BET1L: variants seen among roughly 807,000 people sequenced by gnomAD.
BET1L encodes BET1-like protein.
BET1L carries 13 observed loss-of-function variants against 12.6 expected under a neutral mutation model. The ratio of observed to expected loss-of-function variants is 1.03; its 90% confidence interval spans 0.67 to 1.64. The LOEUF (loss-of-function observed/expected upper bound fraction) is 1.64, where lower values mean the gene tolerates loss of function less well. BET1L is among the 40% of genes most tolerant of loss of function. The pLI is 0.00. For missense variants in BET1L, 154 were observed against 150.7 expected, an observed-to-expected ratio of 1.02 and a Z score of -0.11; for synonymous variants, 60 against 56.9, an observed-to-expected ratio of 1.05 and a Z score of -0.25.
Position 204,460 on chromosome 11 carries a change from G to A in BET1L, c.*842C>T, listed in dbSNP as rs1331244457. On this transcript the variant is annotated 3_prime_UTR_variant, in exon 4 of 4. Transcript: ENST00000382762. ...ATAGCCCTCACAGGAACCTTCTTGT[G>A]TAGACCCACAGAAGCTCCCTGGCCC... 6.6e-6 allele frequency: 1 copy of A among 152,244 alleles called. No individual in the cohort carries two copies. Among genetic ancestry groups the A allele is most frequent in the Admixed American group, 6.5e-5 (1 of 15,292 alleles). The allele number at this position is 152,244 out of a possible 1,614,324, so 9.4% of individuals were successfully genotyped here.
At chr11:205,922 G>A (rs750019170) in intron 2 of BET1L, 30 bp downstream of exon 2, 1 of 1,606,422 alleles carries the variant, frequency 6.2e-7, no homozygotes, top group East Asian at 2.2e-5. Context: ...AAGGCACCAG[G>A]TGGAGGTAAG....
Position 205,004 on chromosome 11 carries a change from C to G in BET1L, c.*298G>C, listed in dbSNP as rs931679031. 12 of 400,244 alleles carry G rather than the reference C, an allele frequency of 3.0e-5. No individual in the cohort carries two copies. The highest frequency in any genetic ancestry group is 5.6e-5 in the Non-Finnish European group (12 of 212,552). The allele number at this position is 400,244 out of a possible 1,614,324, so 24.8% of individuals were successfully genotyped here. On this transcript the variant is annotated 3_prime_UTR_variant, in exon 4 of 4. Coordinates refer to ENST00000382762, the MANE Select transcript of BET1L (RefSeq NM_001098787.2). ...GGATTCACCAGCTGCTCTGCTCAGA[C>G]CTGGCTTCTCCAGACACGCTGTGGC...
In BET1L at chr11:207,375, A is replaced by AGACGTGGCCACAGCCGCCTCC; in HGVS notation, c.-55_-54insGGAGGCGGCTGTGGCCACGTC. On this transcript the variant is annotated 5_prime_UTR_variant, in exon 1 of 4. Coordinates refer to ENST00000382762, the MANE Select transcript of BET1L (RefSeq NM_001098787.2). ...ACACCGACGCGGCCACAGCCGCCTC[A>AGACGTGGCCACAGCCGCCTCC]GACGTGGCGCAGTCGCGGGGAAAGA... is the stretch of plus-strand genomic sequence containing the variant. The AGACGTGGCCACAGCCGCCTCC allele has an allele frequency of 6.6e-7, 1 of 1,514,584 alleles. No homozygotes were observed. The highest frequency in any genetic ancestry group is 8.8e-7 in the Non-Finnish European group (1 of 1,137,554). 93.8% of individuals were successfully genotyped at this position (1,514,584 alleles called of 1,614,324 possible). A position where few individuals can be genotyped will look rare whatever the true frequency, so the allele number is the denominator to read the frequency against.
intron 1 of BET1L, chr11:207,062 C>T: frequency 1.9e-6 from 1 of 528,306 alleles, no homozygotes; most frequent in Non-Finnish European, 3.3e-6. Context: ...GGAGACCCCG[C>T]TGCTGCGCGA....
intron 1 of BET1L, 84 bp downstream of exon 1, chr11:207,219 G>C: frequency 1.3e-6 from 2 of 1,485,332 alleles, no homozygotes; most frequent in South Asian, 1.3e-5. Flanking sequence ...AGCTGGGCCA[G>C]AGGCAGGCGC....
At chr11:205,733 CCA>C (rs1855134020) in intron 2 of BET1L, 66 bp from the exon 3 acceptor site, 3 of 1,558,964 alleles carry the variant, frequency 1.9e-6, no homozygotes, top group Non-Finnish European at 2.6e-6. Flanking sequence ...CTCACCCTCC[CCA>C]GACCAGATAA....
At position 205,051 on chromosome 11, in the gene BET1L, A is replaced by C. The variant is rs1855116415; in HGVS notation, c.*251T>G. On this transcript the variant is annotated 3_prime_UTR_variant, in exon 4 of 4. Transcript: ENST00000382762. ...TGGCCCCAGCTCTGCCTGGCTCTCT[A>C]GCACCTGGGGGAGGGGGGAGGGGCT... 4 of 428,290 alleles carry C rather than the reference A, an allele frequency of 9.3e-6. No homozygotes were observed. Among genetic ancestry groups the C allele is most frequent in the Non-Finnish European group, 1.3e-5 (3 of 238,008 alleles). The allele number at this position is 428,290 out of a possible 1,614,324, so 26.5% of individuals were successfully genotyped here.
intron 2 of BET1L, 142 bp downstream of exon 2, chr11:205,810 T>C: frequency 1.4e-6 from 2 of 1,443,494 alleles, no homozygotes; most frequent in African/African-American, 2.8e-5. Context: ...AGGTGTCAGC[T>C]GGGGCCTCAT....
chr11:206,197 G>A (rs1177301275), intron 1 of BET1L, among the ~76,000 whole-genome samples, 154 bp from the exon 2 acceptor site: 3 of 152,192 alleles, frequency 2.0e-5, no homozygotes, highest in Non-Finnish European at 4.4e-5. Context: ...GCTGCATAAA[G>A]GACGATGTGT....
At position 203,705 on chromosome 11, in the gene BET1L, G is replaced by A. The variant is rs1855087286; in HGVS notation, c.*1597C>T. On this transcript the variant is annotated 3_prime_UTR_variant, in exon 4 of 4. Transcript: ENST00000382762. ...CCTGCAAAGGGACATCCGAGGAGGG[G>A]GAAGCAAGCTGGGAGCAAGACCAGC... The A allele has an allele frequency of 6.5e-6, 1 of 152,878 alleles. No individual in the cohort carries two copies. 9.5% of individuals were successfully genotyped at this position (152,878 alleles called of 1,614,324 possible). A position where few individuals can be genotyped will look rare whatever the true frequency, so the allele number is the denominator to read the frequency against.
chr11:204,349 G>A lies in BET1L; in HGVS notation c.*953C>T, dbSNP rs1054690109. 2.0e-5 allele frequency: 3 copies of A among 152,288 alleles called. No homozygotes were observed. The highest frequency in any genetic ancestry group is 7.2e-5 in the African/African-American group (3 of 41,430). 9.4% of individuals were successfully genotyped at this position (152,288 alleles called of 1,614,324 possible). On this transcript the variant is annotated 3_prime_UTR_variant, in exon 4 of 4. Coordinates refer to ENST00000382762, the MANE Select transcript of BET1L (RefSeq NM_001098787.2). ...TGCAGAGGCTGGGGACAAGGAGGATGGCACAGAATGCCATCACAGCCAGGG... is the reference window on the plus strand; with the variant it reads ...TGCAGAGGCTGGGGACAAGGAGGATAGCACAGAATGCCATCACAGCCAGGG...
Position 204,224 on chromosome 11 carries a change from G to A in BET1L, c.*1078C>T, listed in dbSNP as rs1855101834. 1 of 152,414 alleles carries A rather than the reference G, an allele frequency of 6.6e-6. No individual in the cohort carries two copies. Among genetic ancestry groups the A allele is most frequent in the Admixed American group, 6.5e-5 (1 of 15,294 alleles). The allele number at this position is 152,414 out of a possible 1,614,324, so 9.4% of individuals were successfully genotyped here. ...CAAGGGGGCGAGGACCTCATCTTGA[G>A]GTGGGAAGAAGTCGTTGCCCTGCCA... On this transcript the variant is annotated 3_prime_UTR_variant, in exon 4 of 4. Transcript: ENST00000382762.
intron 1 of BET1L, among the ~76,000 whole-genome samples, chr11:206,476 T>C (rs1175855389): frequency 3.9e-5 from 6 of 152,202 alleles, no homozygotes; most frequent in African/African-American, 1.4e-4. Context: ...GCAGAAAGGC[T>C]CCTGCAGAGA....
chr11:205,058 G>A lies in BET1L; in HGVS notation c.*244C>T. 2.1e-6 allele frequency: 1 copy of A among 476,790 alleles called. No homozygotes were observed. Among genetic ancestry groups the A allele is most frequent in the Admixed American group, 4.0e-5 (1 of 25,224 alleles). The allele number at this position is 476,790 out of a possible 1,614,324, so 29.5% of individuals were successfully genotyped here. A position where few individuals can be genotyped will look rare whatever the true frequency, so the allele number is the denominator to read the frequency against. On this transcript the variant is annotated 3_prime_UTR_variant, in exon 4 of 4. Transcript: ENST00000382762. ...AGCTCTGCCTGGCTCTCTAGCACCT[G>A]GGGGAGGGGGGAGGGGCTGGGCCTT...
At position 203,967 on chromosome 11, in the gene BET1L, A is replaced by T. The variant is rs1344297132; in HGVS notation, c.*1335T>A. On this transcript the variant is annotated 3_prime_UTR_variant, in exon 4 of 4. Transcript: ENST00000382762. The stretch of plus-strand genomic sequence containing the variant: ...GCTGTGTGGAAGGAAGGAGGAGGGG[A>T]GGGGAAGGGTGAGCAAAGTGGGGCT... 1 of 153,230 alleles carries T rather than the reference A, an allele frequency of 6.5e-6. No homozygotes were observed. The highest frequency in any genetic ancestry group is 1.5e-5 in the Non-Finnish European group (1 of 68,500). 9.5% of individuals were successfully genotyped at this position (153,230 alleles called of 1,614,324 possible).
At chr11:205,921 G>C in intron 2 of BET1L, 31 bp downstream of exon 2, 1 of 1,603,844 alleles carries the variant, frequency 6.2e-7, no homozygotes. Context: ...AAAGGCACCA[G>C]GTGGAGGTAA....
chr11:205,473 A>G lies in BET1L; in HGVS notation c.169-4T>C, dbSNP rs750700084. ...TCATGCTTGTGAAATCCGAGTCCTA[A>G]GGGAGGAATCCCAGCAAGATCACAC... is the stretch of plus-strand genomic sequence containing the variant. On this transcript the variant is annotated splice_region_variant and splice_polypyrimidine_tract_variant and intron_variant, in intron 3 of 3. Transcript: ENST00000382762. 1.8e-5 allele frequency: 29 copies of G among 1,614,082 alleles called. No individual in the cohort carries two copies. Among genetic ancestry groups the G allele is most frequent in the Middle Eastern group, 1.6e-4 (1 of 6,084 alleles).
Position 205,120 on chromosome 11 carries a change from A to G in BET1L, c.*182T>C. On this transcript the variant is annotated 3_prime_UTR_variant, in exon 4 of 4. Transcript: ENST00000382762. ...GAGAGTCCCTTTCACACATGGGACC[A>G]GCCAACATGAGCTCATCAGGTCACA... 1.3e-6 allele frequency: 1 copy of G among 787,322 alleles called. No homozygotes were observed. The highest frequency in any genetic ancestry group is 1.9e-5 in the South Asian group (1 of 53,418). The allele number at this position is 787,322 out of a possible 1,614,324, so 48.8% of individuals were successfully genotyped here. A position where few individuals can be genotyped will look rare whatever the true frequency, so the allele number is the denominator to read the frequency against.
intron 1 of BET1L, chr11:207,037 G>A (rs1855182529): frequency 4.0e-6 from 2 of 495,866 alleles, no homozygotes; most frequent in South Asian, 5.3e-5. Context: ...TCTCACAGGG[G>A]GCGGCGGGGA....
Sources: gnomAD v4.1 joint callset for allele counts (sites outside exome capture counted in the v4.1 genomes callset) on GRCh38, gnomAD v4.1.1 for gene constraint, MANE v1.5 for transcripts, NCBI Gene and HGNC (gene_info 2026-07-23, HGNC 2026-07-21) for gene names.